The following SEMA3C variants were observed in gnomAD, a reference collection of about 807,000 sequenced individuals.
SEMA3C encodes semaphorin-3C.
SEMA3C carries 47 observed loss-of-function variants against 89.4 expected under a neutral mutation model. The observed-to-expected ratio is 0.53, with a 90% CI of 0.42 to 0.67. The LOEUF (loss-of-function observed/expected upper bound fraction) is 0.67, where lower values mean the gene tolerates loss of function less well. Ranked by LOEUF, SEMA3C falls within the 30% of genes least tolerant of loss-of-function variation. The pLI is 0.00. For synonymous variants in SEMA3C, 310 were observed against 320.2 expected, an observed-to-expected ratio of 0.97 and a Z score of 0.34; for missense variants, 839 against 929.1, an observed-to-expected ratio of 0.90 and a Z score of 1.26.
At chr7:80,856,133 T>A (rs1790633095) in intron 2 of SEMA3C, among the ~76,000 whole-genome samples, 2 of 152,260 alleles carry the variant, frequency 1.3e-5, no homozygotes, top group East Asian at 1.9e-4. Flanking sequence ...TTTTTATTAT[T>A]TTTTTGAAGG....
At chr7:80,784,722 AT>A (rs1342305726) in intron 12 of SEMA3C, among the ~76,000 whole-genome samples, 1 of 152,212 alleles carries the variant, frequency 6.6e-6, no homozygotes, top group African/African-American at 2.4e-5. Flanking sequence ...CACAGATGAA[AT>A]GTAAATGAAT....
intron 5 of SEMA3C, among the ~76,000 whole-genome samples, chr7:80,817,264 A>T (rs1427579574): frequency 6.6e-6 from 1 of 152,172 alleles, no homozygotes; most frequent in African/African-American, 2.4e-5. Context: ...AAAACAACTT[A>T]AAAAAACATT....
At chr7:80,827,395 T>TTG (rs1789897079) in intron 4 of SEMA3C, 30 bp downstream of exon 4, 7 of 706,818 alleles carry the variant, frequency 9.9e-6, no homozygotes, top group Non-Finnish European at 1.1e-5. Flanking sequence ...AGTTAGTGTT[T>TTG]TTTTTTTTTT....
intron 5 of SEMA3C, chr7:80,816,357 T>C (rs1789607516): frequency 6.6e-6 from 1 of 152,148 alleles, no homozygotes; most frequent in African/African-American, 2.4e-5. Flanking sequence ...TAGGTTTGAA[T>C]AGATGAAAAA....
At chr7:80,872,296 A>G (rs1203010174) in intron 2 of SEMA3C, among the ~76,000 whole-genome samples, 2 of 151,682 alleles carry the variant, frequency 1.3e-5, no homozygotes, top group Non-Finnish European at 2.9e-5. Flanking sequence ...GACTACAGGC[A>G]CGCACCACCG....
chr7:80,787,285 G>C (rs1321257469), intron 12 of SEMA3C, among the ~76,000 whole-genome samples: 2 of 151,630 alleles, frequency 1.3e-5, no homozygotes, highest in Non-Finnish European at 1.5e-5. Context: ...CCAGCAACTT[G>C]GGAGGCTGAA....
intron 2 of SEMA3C, among the ~76,000 whole-genome samples, chr7:80,874,722 C>CAGGGATGGTTAAT (rs1296899397): frequency 6.6e-6 from 1 of 152,000 alleles, no homozygotes; most frequent in Non-Finnish European, 1.5e-5. Context: ...CCCACCTCGG[C>CAGGGATGGTTAAT]CTCCCAAAGT....
At chr7:80,754,959 T>TTTTTTTTTG (rs1562859792) in intron 15 of SEMA3C, among the ~76,000 whole-genome samples, 11 of 126,984 alleles carry the variant, frequency 8.7e-5, no homozygotes, top group Non-Finnish European at 1.2e-4. Flanking sequence ...TTTTTTTTGT[T>TTTTTTTTTG]TTTTTTTTTT....
intron 4 of SEMA3C, among the ~76,000 whole-genome samples, chr7:80,818,760 G>A (rs1055350291): frequency 6.6e-6 from 1 of 152,210 alleles, no homozygotes; most frequent in African/African-American, 2.4e-5. Flanking sequence ...AGGCCCTTGG[G>A]CCACAGGTTG....
At chr7:80,807,007 C>T (rs2115695625) in intron 6 of SEMA3C, among the ~76,000 whole-genome samples, 1 of 152,138 alleles carries the variant, frequency 6.6e-6, no homozygotes, top group East Asian at 1.9e-4. Flanking sequence ...AGCTCTGCTT[C>T]CTAGTAGGGG....
intron 5 of SEMA3C, 21 bp from the exon 6 acceptor site, chr7:80,810,722 A>T (rs1280142364): frequency 2.1e-5 from 32 of 1,556,498 alleles, no homozygotes; most frequent in Non-Finnish European, 2.7e-5. Flanking sequence ...GATAAAATTT[A>T]AAATGTGGCA....
chr7:80,755,334 G>T (rs1430917542), intron 15 of SEMA3C, among the ~76,000 whole-genome samples: 1 of 149,746 alleles, frequency 6.7e-6, no homozygotes, highest in Non-Finnish European at 1.5e-5. Flanking sequence ...AAACAAATGA[G>T]CTAGCCCATA....
At position 80,789,319 on chromosome 7, in the gene SEMA3C, C is replaced by T. The variant is rs191331040; in HGVS notation, c.1341G>A (p.Leu447=). 6 of 1,612,782 alleles carry T rather than the reference C, an allele frequency of 3.7e-6. No homozygotes were observed. The highest frequency in any genetic ancestry group is 1.1e-5 in the South Asian group (1 of 90,846). Residue 447 remains leucine (L), a synonymous_variant, in exon 12 of 18, where the codon CTG becomes CTA. Transcript: ENST00000265361. The part of the protein sequence containing the change: ...VNAADGRYHV[L]FLGTDRGTVQ... ...TCAAATATTTACCTGTTCCGAGAAA[C>T]AGGACATGGTATCTCCCATCAGCAG...
At chr7:80,775,946 A>T (rs2117082271) in intron 12 of SEMA3C, among the ~76,000 whole-genome samples, 2 of 152,244 alleles carry the variant, frequency 1.3e-5, no homozygotes, top group Admixed American at 1.3e-4. Context: ...CAATAACAAT[A>T]TAAGAGACAT....
Position 80,748,115 on chromosome 7 carries a change from C to T in SEMA3C, c.1842+783G>A, listed in dbSNP as rs1474626374. Among the ~76,000 whole-genome samples the T allele has an allele frequency of 6.6e-5, 10 of 152,238 alleles. 2 individuals are homozygous for T. The South Asian group carries it at 1.9e-3, about 28-fold the overall frequency. On this transcript the variant is annotated intron_variant, in intron 17 of 17. Transcript: ENST00000265361. Reference sequence around the variant, plus strand: ...TCCACTTCCCCCTTGGCTCCATCAACTTTATGCTGCACAAATGGTGGTACA... The same window carrying T: ...TCCACTTCCCCCTTGGCTCCATCAATTTTATGCTGCACAAATGGTGGTACA...
At chr7:80,759,819 G>A (rs1261526429) in intron 14 of SEMA3C, among the ~76,000 whole-genome samples, 2 of 152,100 alleles carry the variant, frequency 1.3e-5, no homozygotes, top group East Asian at 1.9e-4. Context: ...AAACAACTGC[G>A]TGTTTTCACA....
chr7:80,830,077 T>C (rs1233458170), intron 2 of SEMA3C, among the ~76,000 whole-genome samples: 2 of 152,206 alleles, frequency 1.3e-5, no homozygotes, highest in Non-Finnish European at 2.9e-5. Flanking sequence ...TATGAGAAGA[T>C]ACAGAAGTCA....
At chr7:80,860,270 A>G (rs1487731941) in intron 2 of SEMA3C, among the ~76,000 whole-genome samples, 4 of 152,304 alleles carry the variant, frequency 2.6e-5, no homozygotes, top group South Asian at 4.1e-4. Flanking sequence ...AATCATAAAA[A>G]TATTTTTAAT....
intron 12 of SEMA3C, among the ~76,000 whole-genome samples, chr7:80,786,665 T>C (rs17154441): frequency 0.017 from 2,639 of 152,362 alleles, 69 homozygotes; most frequent in Admixed American, 0.069. Flanking sequence ...AAACTTTATA[T>C]GCAAATGAAG....
Sources: gnomAD v4.1 joint callset for allele counts (sites outside exome capture counted in the v4.1 genomes callset) on GRCh38, gnomAD v4.1.1 for gene constraint, MANE v1.5 for transcripts, NCBI Gene and HGNC (gene_info 2026-07-23, HGNC 2026-07-21) for gene names.